Variants in TMEM135 observed in about 807,000 individuals in gnomAD.
TMEM135 encodes peroxisomal membrane protein 52.
TMEM135 carries 30 observed loss-of-function variants against 60.3 expected under a neutral mutation model. The observed-to-expected ratio is 0.50, with a 90% CI of 0.37 to 0.68. TMEM135 has a LOEUF of 0.68. Among genes scored for constraint, TMEM135 ranks in the 30% least tolerant of loss-of-function variants. The probability of loss-of-function intolerance (pLI) is 0.00; values close to 1 mark genes in which losing one functional copy is unlikely to be tolerated. For missense variants in TMEM135, 468 were observed against 548.8 expected (o/e 0.85, Z 1.47); for synonymous variants, 190 against 186.7 (o/e 1.02, Z -0.14).
Position 87,083,556 on chromosome 11 carries a change from G to T in TMEM135, c.363-7806G>T, listed in dbSNP as rs111368533. Among the ~76,000 whole-genome samples, 494 of 152,232 alleles carry T rather than the reference G, an allele frequency of 3.2e-3. 5 individuals carry two copies. The highest frequency in any genetic ancestry group is 0.011 in the African/African-American group (470 of 41,556). ...ATAGTACTTATGAAACTCCAAACCA[G>T]GTATGACCAGAATGAATGATCTATA... On this transcript the variant is annotated intron_variant, in intron 3 of 14. Coordinates refer to ENST00000305494, the MANE Select transcript of TMEM135 (RefSeq NM_022918.4).
chr11:87,122,304 G>A (rs946746113), intron 4 of TMEM135, among the ~76,000 whole-genome samples: 1 of 114,928 alleles, frequency 8.7e-6, no homozygotes, highest in Non-Finnish European at 1.8e-5. Context: ...TTTATGTTTT[G>A]CTAGGTTTTT....
Position 87,194,920 on chromosome 11 carries a change from A to G in TMEM135, c.462+37514A>G, listed in dbSNP as rs138886107. 3.3e-4 allele frequency among the ~76,000 whole-genome samples: 51 copies of G among 152,306 alleles called. No homozygotes were observed. The East Asian group carries it at 8.5e-3, about 25-fold the overall frequency. On this transcript the variant is annotated intron_variant, in intron 5 of 14. Coordinates refer to ENST00000305494, the MANE Select transcript of TMEM135 (RefSeq NM_022918.4). ...ATAAATGGATGAATTATATTTTCTT[A>G]CTAAAATGATGCATATATGTTACTT...
chr11:87,211,099 C>T (rs1040260944), intron 5 of TMEM135, among the ~76,000 whole-genome samples: 3 of 152,140 alleles, frequency 2.0e-5, no homozygotes, highest in East Asian at 3.9e-4. Context: ...ATAGGGATAC[C>T]TACTCTTACC....
chr11:87,172,245 C>G (rs973521306), intron 5 of TMEM135, among the ~76,000 whole-genome samples: 1 of 152,006 alleles, frequency 6.6e-6, no homozygotes, highest in South Asian at 2.1e-4. Flanking sequence ...TTGTAAACCA[C>G]TGTTTTAGAA....
At chr11:87,075,473 T>G (rs1856853117) in intron 3 of TMEM135, among the ~76,000 whole-genome samples, 1 of 152,170 alleles carries the variant, frequency 6.6e-6, no homozygotes, top group African/African-American at 2.4e-5. Context: ...ATTTTTATAT[T>G]AAGTAGCTGA....
chr11:87,088,404 A>T (rs967251595), intron 3 of TMEM135, among the ~76,000 whole-genome samples: 1 of 152,202 alleles, frequency 6.6e-6, no homozygotes, highest in East Asian at 1.9e-4. Context: ...TATGTTAAGA[A>T]TACTCACAAA....
At chr11:87,176,619 A>G (rs1354079485) in intron 5 of TMEM135, among the ~76,000 whole-genome samples, 1 of 152,206 alleles carries the variant, frequency 6.6e-6, no homozygotes, top group Non-Finnish European at 1.5e-5. Flanking sequence ...ACAAATTTCC[A>G]TATACCTTTG....
rs111888914 is a variant in TMEM135 at position 87,216,225 on chromosome 11, A to G, written c.463-20413A>G. Reference sequence around the variant, plus strand: ...AAGGGGGGACTACAGTCTTTTTGAAAATCCCTTAGCTTGTATTGCCAACAT... The same window carrying G: ...AAGGGGGGACTACAGTCTTTTTGAAGATCCCTTAGCTTGTATTGCCAACAT... On this transcript the variant is annotated intron_variant, in intron 5 of 14. Coordinates refer to ENST00000305494, the MANE Select transcript of TMEM135 (RefSeq NM_022918.4). Among the ~76,000 whole-genome samples, 407 of 152,250 alleles carry G rather than the reference A, an allele frequency of 2.7e-3. 3 individuals are homozygous for G. The highest frequency in any genetic ancestry group is 9.4e-3 in the African/African-American group (390 of 41,550).
At chr11:87,130,116 A>AT (rs34801765) in intron 4 of TMEM135, among the ~76,000 whole-genome samples, 1 of 146,224 alleles carries the variant, frequency 6.8e-6, no homozygotes, top group Non-Finnish European at 1.5e-5. Context: ...GTATAAGTAC[A>AT]TTTTTAAAAA....
At chr11:87,296,933 G>A (rs1172064954) in intron 7 of TMEM135, among the ~76,000 whole-genome samples, 2 of 152,224 alleles carry the variant, frequency 1.3e-5, no homozygotes, top group Non-Finnish European at 2.9e-5. Flanking sequence ...TTGATATGTA[G>A]AGTAGGGCCA....
chr11:87,185,138 A>T (rs147614693), intron 5 of TMEM135, among the ~76,000 whole-genome samples: 47 of 152,288 alleles, frequency 3.1e-4, no homozygotes, highest in Middle Eastern at 3.4e-3. Flanking sequence ...TTCAGTATGT[A>T]TCCTTAGAAG....
intron 5 of TMEM135, among the ~76,000 whole-genome samples, chr11:87,164,326 T>C (rs1177919411): frequency 9.4e-6 from 1 of 106,446 alleles, no homozygotes; most frequent in Non-Finnish European, 1.8e-5. Context: ...TTTTCTCAGG[T>C]TTGTCAAAGA....
intron 3 of TMEM135, among the ~76,000 whole-genome samples, chr11:87,075,851 C>A (rs1856859701): frequency 6.6e-6 from 1 of 151,542 alleles, no homozygotes; most frequent in African/African-American, 2.4e-5. Context: ...AGCAGAGATT[C>A]TTGTTCTTTT....
intron 4 of TMEM135, chr11:87,096,167 A>T: frequency 3.8e-6 from 1 of 264,492 alleles, no homozygotes; most frequent in Middle Eastern, 6.3e-4. Flanking sequence ...TACTACTTGG[A>T]AAACTAGCAA....
chr11:87,221,801 AAGCT>A (rs1940622349), intron 5 of TMEM135, among the ~76,000 whole-genome samples: 1 of 152,212 alleles, frequency 6.6e-6, no homozygotes, highest in Non-Finnish European at 1.5e-5. Context: ...TGTTGAAACA[AAGCT>A]AGCTCAGCAT....
chr11:87,060,632 TTTC>T (rs1949936810), intron 1 of TMEM135, among the ~76,000 whole-genome samples: 1 of 148,374 alleles, frequency 6.7e-6, no homozygotes, highest in Non-Finnish European at 1.5e-5. Context: ...CTCTGTACTT[TTTC>T]TTTTTTCTTT....
At chr11:87,272,051 CTTTTTTTTTTTTTT>C (rs773654603) in intron 6 of TMEM135, among the ~76,000 whole-genome samples, 2 of 81,162 alleles carry the variant, frequency 2.5e-5, no homozygotes, top group South Asian at 7.4e-4. Context: ...TTTTTCTTTT[CTTTTTTTTTTTTTT>C]TTTTTTAAGA....
chr11:87,275,184 TC>T (rs1364016228), intron 6 of TMEM135, among the ~76,000 whole-genome samples: 1 of 152,180 alleles, frequency 6.6e-6, no homozygotes, highest in Non-Finnish European at 1.5e-5. Flanking sequence ...TATTTTCTTC[TC>T]TTCTGCGGCA....
At chr11:87,295,683 G>A in intron 6 of TMEM135, 99 bp from the exon 7 acceptor site, 1 of 1,010,200 alleles carries the variant, frequency 9.9e-7, no homozygotes. Flanking sequence ...TTTGCCTTAA[G>A]AGTTTCATCT....
Sources: gnomAD v4.1 joint callset for allele counts (sites outside exome capture counted in the v4.1 genomes callset) on GRCh38, gnomAD v4.1.1 for gene constraint, MANE v1.5 for transcripts, NCBI Gene and HGNC (gene_info 2026-07-23, HGNC 2026-07-21) for gene names.